Variants in CYBRD1 observed in about 807,000 individuals in gnomAD.
The protein encoded by CYBRD1 is plasma membrane ascorbate-dependent reductase CYBRD1.
A neutral mutation model predicts 21.9 loss-of-function variants in CYBRD1; 14 were observed. The ratio of observed to expected loss-of-function variants is 0.64; its 90% confidence interval spans 0.42 to 1.00. CYBRD1 has a LOEUF of 1.00. CYBRD1 is among the 50% of genes least tolerant of loss of function. The pLI, the probability that CYBRD1 is intolerant of heterozygous loss-of-function variation, is 0.00. For missense variants in CYBRD1, 328 were observed against 352.5 expected (o/e 0.93, Z 0.56); for synonymous variants, 146 against 136.5 (o/e 1.07, Z -0.48).
intron 1 of CYBRD1, among the ~76,000 whole-genome samples, chr2:171,528,961 A>G (rs1697424158): frequency 1.3e-5 from 2 of 152,218 alleles, no homozygotes; most frequent in African/African-American, 4.8e-5. Context: ...CTAAATTCTG[A>G]TCACTGACTA....
chr2:171,524,732 G>A (rs1043217883), intron 1 of CYBRD1, among the ~76,000 whole-genome samples: 6 of 152,072 alleles, frequency 3.9e-5, no homozygotes, highest in African/African-American at 1.4e-4. Context: ...CTTATTTTCT[G>A]CCAAATCTTT....
chr2:171,544,712 C>A (rs1448813436), intron 2 of CYBRD1, among the ~76,000 whole-genome samples: 3 of 152,142 alleles, frequency 2.0e-5, no homozygotes, highest in Non-Finnish European at 4.4e-5. Flanking sequence ...ATGTACAAAG[C>A]CAATTGCATC....
chr2:171,529,773 C>A (rs1485121152), intron 1 of CYBRD1, among the ~76,000 whole-genome samples: 1 of 152,072 alleles, frequency 6.6e-6, no homozygotes, highest in African/African-American at 2.4e-5. Context: ...CTTAAAGTCC[C>A]CTTGCCCCAT....
chr2:171,532,435 A>C (rs1359385097), intron 1 of CYBRD1, among the ~76,000 whole-genome samples: 1 of 152,180 alleles, frequency 6.6e-6, no homozygotes, highest in Non-Finnish European at 1.5e-5. Context: ...TACTTATTTG[A>C]AAGGGCCATT....
At chr2:171,525,260 A>G (rs1208739038) in intron 1 of CYBRD1, among the ~76,000 whole-genome samples, 2 of 152,102 alleles carry the variant, frequency 1.3e-5, no homozygotes, top group African/African-American at 2.4e-5. Context: ...TTTAGGTTCA[A>G]TTACTGTATT....
chr2:171,527,847 A>C (rs1026176004), intron 1 of CYBRD1, among the ~76,000 whole-genome samples: 1 of 152,052 alleles, frequency 6.6e-6, no homozygotes, highest in Non-Finnish European at 1.5e-5. Context: ...TGCTTGCCTT[A>C]CTATGAACTT....
rs35411294 is a variant in CYBRD1 at position 171,547,435 on chromosome 2, C to CTT, written c.402+5657_402+5658dup. Among the ~76,000 whole-genome samples, 233 of 136,966 alleles carry CTT rather than the reference C, an allele frequency of 1.7e-3. 4 individuals are homozygous for CTT. The East Asian group carries it at 0.029, about 17-fold the overall frequency. The allele number at this position is 136,966 out of a possible 152,430, so 89.9% of individuals were successfully genotyped here. A position where few individuals can be genotyped will look rare whatever the true frequency, so the allele number is the denominator to read the frequency against. The stretch of plus-strand genomic sequence containing the variant: ...GAGTCCAAGGAGGCATTTGGGTGCT[C>CTT]TTTTTTTTTTTTTTTTGTCTACTTC... On this transcript the variant is annotated intron_variant, in intron 2 of 3. Transcript: ENST00000321348.
At chr2:171,525,158 G>A (rs1447335378) in intron 1 of CYBRD1, among the ~76,000 whole-genome samples, 2 of 152,206 alleles carry the variant, frequency 1.3e-5, no homozygotes, top group African/African-American at 4.8e-5. Context: ...GGCTGGCCTC[G>A]AATTCCTGAC....
At chr2:171,544,283 C>T (rs1430166295) in intron 2 of CYBRD1, among the ~76,000 whole-genome samples, 8 of 152,116 alleles carry the variant, frequency 5.3e-5, no homozygotes, top group Admixed American at 5.2e-4. Context: ...GCTATATCTT[C>T]TCCTAGTTTG....
chr2:171,553,992 G>A (rs1003404405), intron 3 of CYBRD1, among the ~76,000 whole-genome samples: 5 of 152,146 alleles, frequency 3.3e-5, no homozygotes, highest in African/African-American at 1.2e-4. Flanking sequence ...CCACTCAACG[G>A]CCCGATAGGG....
intron 1 of CYBRD1, among the ~76,000 whole-genome samples, chr2:171,534,497 T>C (rs1254010432): frequency 1.3e-5 from 2 of 152,238 alleles, no homozygotes; most frequent in African/African-American, 4.8e-5. Flanking sequence ...AAGTCCACCA[T>C]ATTTCAGTTA....
chr2:171,555,869 C>T lies in CYBRD1; in HGVS notation c.*1042C>T, dbSNP rs144783339. The T allele has an allele frequency of 6.6e-6, 1 of 152,342 alleles. No individual in the cohort carries two copies. The highest frequency in any genetic ancestry group is 1.9e-4 in the East Asian group (1 of 5,188). 9.4% of individuals were successfully genotyped at this position (152,342 alleles called of 1,614,324 possible). ...TGAGACTCAGATGCAGGCAGTCTGGCACCTCAGTCTGGATTCTAACCATTT... is the reference window on the plus strand; with the variant it reads ...TGAGACTCAGATGCAGGCAGTCTGGTACCTCAGTCTGGATTCTAACCATTT... On this transcript the variant is annotated 3_prime_UTR_variant, in exon 4 of 4. Transcript: ENST00000321348.
At chr2:171,543,856 A>C (rs996693088) in intron 2 of CYBRD1, among the ~76,000 whole-genome samples, 15 of 152,092 alleles carry the variant, frequency 9.9e-5, no homozygotes, top group African/African-American at 3.6e-4. Context: ...AAATTTACTT[A>C]CCTGTTCTCT....
intron 2 of CYBRD1, chr2:171,551,031 A>T (rs193106066): frequency 5.6e-5 from 13 of 230,346 alleles, no homozygotes; most frequent in Admixed American, 1.1e-4. Flanking sequence ...ATCTCAGCTC[A>T]CTGCAACCTC....
chr2:171,532,943 G>A (rs1018668064), intron 1 of CYBRD1, among the ~76,000 whole-genome samples: 1 of 150,162 alleles, frequency 6.7e-6, no homozygotes, highest in South Asian at 2.1e-4. Flanking sequence ...ACAAATATAT[G>A]CAATTTTTAA....
chr2:171,546,785 C>T (rs1472088571), intron 2 of CYBRD1, among the ~76,000 whole-genome samples: 2 of 152,088 alleles, frequency 1.3e-5, no homozygotes, highest in Admixed American at 6.5e-5. Flanking sequence ...TGAAGCCACA[C>T]ACCTGGTGTA....
At position 171,556,184 on chromosome 2, in the gene CYBRD1, C is replaced by A. The variant is rs1310062632; in HGVS notation, c.*1357C>A. 6.6e-6 allele frequency: 1 copy of A among 152,180 alleles called. No homozygotes were observed. Among genetic ancestry groups the A allele is most frequent in the African/African-American group, 2.4e-5 (1 of 41,436 alleles). The allele number at this position is 152,180 out of a possible 1,614,324, so 9.4% of individuals were successfully genotyped here. A position where few individuals can be genotyped will look rare whatever the true frequency, so the allele number is the denominator to read the frequency against. On this transcript the variant is annotated 3_prime_UTR_variant, in exon 4 of 4. Transcript: ENST00000321348. ...CTGTAGCTTTCAAGTTAATTAATTG[C>A]AATATTTTTTTCTTCAGGATTTTAG...
intron 1 of CYBRD1, 139 bp from the exon 2 acceptor site, chr2:171,541,446 T>G (rs1574439237): frequency 3.6e-5 from 28 of 769,542 alleles, no homozygotes. Context: ...GAGGCAGGGG[T>G]AACATGGGGA....
intron 1 of CYBRD1, among the ~76,000 whole-genome samples, chr2:171,525,668 A>C (rs865941133): frequency 1.3e-5 from 2 of 152,326 alleles, no homozygotes; most frequent in Middle Eastern, 3.4e-3. Context: ...TGTAATACAC[A>C]AATATTTGGA....
Sources: gnomAD v4.1 joint callset for allele counts (sites outside exome capture counted in the v4.1 genomes callset) on GRCh38, gnomAD v4.1.1 for gene constraint, MANE v1.5 for transcripts, NCBI Gene and HGNC (gene_info 2026-07-23, HGNC 2026-07-21) for gene names.